Variants in SLC25A29 observed in about 807,000 individuals in gnomAD.
SLC25A29 encodes the protein solute carrier family 25 member 29.
In SLC25A29, 13 loss-of-function variants were observed where a neutral mutation model predicts 10.0. The ratio of observed to expected loss-of-function variants is 1.30; its 90% CI spans 0.85 to 2.07. The LOEUF (loss-of-function observed/expected upper bound fraction) is 2.07, where lower values mean the gene tolerates loss of function less well. Among genes scored for constraint, SLC25A29 ranks in the 30% most tolerant of loss-of-function variants. The probability of loss-of-function intolerance (pLI) is 0.00; values close to 1 mark genes in which losing one functional copy is unlikely to be tolerated. For missense variants in SLC25A29, 475 were observed against 447.6 expected, an observed-to-expected ratio of 1.06 and a Z score of -0.55; for synonymous variants, 244 against 221.1, an observed-to-expected ratio of 1.10 and a Z score of -0.92.
rs1891779252 is a variant in SLC25A29 at position 100,292,433 on chromosome 14, C to T, written c.762G>A (p.Thr254=). The change falls in exon 4 of 4, where the codon ACG becomes ACA. Residue 254 remains threonine (T), a synonymous_variant. Coordinates refer to ENST00000359232, the MANE Select transcript of SLC25A29 (RefSeq NM_001039355.3). ...WRVFTRGLAS[T]LLRAFPVNAA... ...CGTTGACGGGGAAGGCGCGCAGCAGCGTGGACGCCAGCCCCCGTGTGAAGA... is the reference window on the plus strand; with the variant it reads ...CGTTGACGGGGAAGGCGCGCAGCAGTGTGGACGCCAGCCCCCGTGTGAAGA... 1.9e-6 allele frequency: 3 copies of T among 1,579,276 alleles called. No homozygotes were observed. Among genetic ancestry groups the T allele is most frequent in the Non-Finnish European group, 2.6e-6 (3 of 1,165,114 alleles).
the SLC25A29 span, among the ~76,000 whole-genome samples, chr14:100,285,817 TC>T: frequency 3.3e-5 from 5 of 151,710 alleles, no homozygotes; most frequent in Non-Finnish European, 7.4e-5. Flanking sequence ...CGCCCCCCCT[TC>T]CCCCCGGTGG....
In SLC25A29 at chr14:100,292,172, A is replaced by G. The variant is rs1255399136; in HGVS notation, c.*111T>C. ...CAGCAAAATTCAGCCCACGTCTGAT[A>G]GACTCCACAGCTCGCAGCATCCCAG... On this transcript the variant is annotated 3_prime_UTR_variant, in exon 4 of 4. Coordinates refer to ENST00000359232, the MANE Select transcript of SLC25A29 (RefSeq NM_001039355.3). The G allele has an allele frequency of 8.5e-6, 12 of 1,405,302 alleles. No homozygotes were observed. The highest frequency in any genetic ancestry group is 9.7e-6 in the Non-Finnish European group (10 of 1,034,290). The allele number at this position is 1,405,302 out of a possible 1,614,324, so 87.1% of individuals were successfully genotyped here. A position where few individuals can be genotyped will look rare whatever the true frequency, so the allele number is the denominator to read the frequency against.
chr14:100,298,964 C>A (rs931127054), intron 1 of SLC25A29, 79 bp from the exon 2 acceptor site: 3 of 1,575,878 alleles, frequency 1.9e-6, no homozygotes, highest in Non-Finnish European at 2.6e-6. Flanking sequence ...GGGGTTCTGA[C>A]AAGGAAGACT....
chr14:100,303,264 T>C (rs1566810606), intron 1 of SLC25A29, among the ~76,000 whole-genome samples: 1 of 152,228 alleles, frequency 6.6e-6, no homozygotes, highest in Non-Finnish European at 1.5e-5. Context: ...TTGCCCAGGA[T>C]GTGCCACTGG....
downstream of SLC25A29, among the ~76,000 whole-genome samples, chr14:100,287,415 C>T (rs2139637476): frequency 6.6e-6 from 1 of 152,358 alleles, no homozygotes; most frequent in South Asian, 2.1e-4. Context: ...CTCCCCCTTT[C>T]CCACCCCAGA....
At chr14:100,301,829 C>G (rs141039956) in intron 1 of SLC25A29, among the ~76,000 whole-genome samples, 1 of 151,756 alleles carries the variant, frequency 6.6e-6, no homozygotes, top group Non-Finnish European at 1.5e-5. Flanking sequence ...TCTAATACGT[C>G]TAATCATTAT....
In SLC25A29 at chr14:100,291,162, G is replaced by A. The variant is rs1891662511; in HGVS notation, c.*1121C>T. ...ATTCCCTTGACAGTTTCTGTACAGC[G>A]ACACCAGGCTGTGCAAAGCCCAGTG... On this transcript the variant is annotated 3_prime_UTR_variant, in exon 4 of 4. Transcript: ENST00000359232. 2 of 152,228 alleles carry A rather than the reference G, an allele frequency of 1.3e-5. No individual in the cohort carries two copies. The highest frequency in any genetic ancestry group is 2.4e-5 in the African/African-American group (1 of 41,440). 9.4% of individuals were successfully genotyped at this position (152,228 alleles called of 1,614,324 possible).
At chr14:100,303,559 C>T (rs1014080513) in intron 1 of SLC25A29, among the ~76,000 whole-genome samples, 5 of 152,216 alleles carry the variant, frequency 3.3e-5, no homozygotes, top group African/African-American at 7.2e-5. Context: ...CACCCTTCGG[C>T]GAGGGGCTTG....
intron 2 of SLC25A29, chr14:100,293,658 G>A: frequency 2.3e-6 from 1 of 429,938 alleles, no homozygotes; most frequent in Non-Finnish European, 4.3e-6. Context: ...TTACACTATG[G>A]CTGCACAGTG....
At chr14:100,295,823 CT>C (rs1298901402) in intron 2 of SLC25A29, 19 of 1,289,588 alleles carry the variant, frequency 1.5e-5, no homozygotes, top group Non-Finnish European at 1.6e-5. Flanking sequence ...CGGTCACCCC[CT>C]CATCATAGGT....
chr14:100,306,237 G>C lies in SLC25A29; in HGVS notation c.-5C>G. ...AGCCAAGAAGTCCAGCGCCATGGCC[G>C]GGTCCCCGGCGAGGCCGCCTTTCCT... On this transcript the variant is annotated 5_prime_UTR_variant, in exon 1 of 4. Transcript: ENST00000359232. The C allele has an allele frequency of 1.3e-6, 2 of 1,490,806 alleles. No individual in the cohort carries two copies. The highest frequency in any genetic ancestry group is 1.8e-6 in the Non-Finnish European group (2 of 1,123,960). 92.3% of individuals were successfully genotyped at this position (1,490,806 alleles called of 1,614,324 possible). A position where few individuals can be genotyped will look rare whatever the true frequency, so the allele number is the denominator to read the frequency against.
chr14:100,293,641 C>CCTG, intron 2 of SLC25A29: 1 of 495,414 alleles, frequency 2.0e-6, no homozygotes, highest in South Asian at 2.3e-5. Flanking sequence ...CAGGTTAAGC[C>CCTG]TCTTGTTTAC....
the SLC25A29 span, chr14:100,280,009 ACTCT>A: frequency 6.6e-6 from 1 of 151,846 alleles, no homozygotes; most frequent in Non-Finnish European, 1.5e-5. Context: ...ACTCCCCTTG[ACTCT>A]CTCTGTTCAC....
rs761679276 is a variant in SLC25A29, at chr14:100,298,823, AAGC to A, written c.78+16_78+18del. 77 of 1,614,094 alleles carry A rather than the reference AAGC, an allele frequency of 4.8e-5. No homozygotes were observed. The highest frequency in any genetic ancestry group is 6.4e-5 in the Non-Finnish European group (75 of 1,180,048). ...TCCAATGTACGCGCCGAGGAAAAAA[AAGC>A]AGCGATGAGACTCACCTTGACCGTG... On this transcript the variant is annotated intron_variant, in intron 2 of 3. Transcript: ENST00000359232.
At position 100,291,706 on chromosome 14, in the gene SLC25A29, T is replaced by G; in HGVS notation, c.*577A>C. 1 of 160,738 alleles carries G rather than the reference T, an allele frequency of 6.2e-6. No homozygotes were observed. Among genetic ancestry groups the G allele is most frequent in the South Asian group, 1.8e-4 (1 of 5,650 alleles). The allele number at this position is 160,738 out of a possible 1,614,324, so 10.0% of individuals were successfully genotyped here. ...TCCCCAGTTCACCCTCCAGCAGGAG[T>G]GGCAGCAGCTGGGGTACCCCTAGCA... On this transcript the variant is annotated 3_prime_UTR_variant, in exon 4 of 4. Transcript: ENST00000359232.
At chr14:100,299,999 G>A (rs771065470) in intron 1 of SLC25A29, 137 of 984,834 alleles carry the variant, frequency 1.4e-4, no homozygotes, top group Non-Finnish European at 2.8e-5. Flanking sequence ...GGCCAGGTGT[G>A]GTGGCTCACG....
chr14:100,285,440 G>A, the SLC25A29 span, among the ~76,000 whole-genome samples: 4 of 151,660 alleles, frequency 2.6e-5, no homozygotes, highest in Non-Finnish European at 4.4e-5. Context: ...GTGCCAGCGG[G>A]CCCCGGGGCT....
chr14:100,288,531 G>T (rs1275743815), downstream of SLC25A29, among the ~76,000 whole-genome samples: 1 of 152,026 alleles, frequency 6.6e-6, no homozygotes, highest in East Asian at 1.9e-4. Flanking sequence ...ACCCGCCCTG[G>T]TGGCCCTCTT....
chr14:100,293,189 C>T (rs1891888348), intron 3 of SLC25A29, 105 bp downstream of exon 3: 1 of 1,476,598 alleles, frequency 6.8e-7, no homozygotes, highest in African/African-American at 1.4e-5. Flanking sequence ...GCCTCCTGGT[C>T]GTCCTGACAC....
Sources: gnomAD v4.1 joint callset for allele counts (sites outside exome capture counted in the v4.1 genomes callset) on GRCh38, gnomAD v4.1.1 for gene constraint, MANE v1.5 for transcripts, NCBI Gene and HGNC (gene_info 2026-07-23, HGNC 2026-07-21) for gene names.